The following OSBPL9 variants were observed in gnomAD, a reference collection of about 807,000 sequenced individuals.
OSBPL9 encodes oxysterol binding protein like 9, also known as oxysterol-binding protein-related protein 9.
A neutral mutation model predicts 106.6 loss-of-function variants in OSBPL9; 40 were observed. The observed-to-expected ratio is 0.38, with a 90% CI of 0.29 to 0.49. The LOEUF is 0.49. OSBPL9 is among the 20% of genes least tolerant of loss of function. The pLI is 0.97. For missense variants in OSBPL9, 609 were observed against 887.2 expected (o/e 0.69, Z 3.98); for synonymous variants, 269 against 295.4 (o/e 0.91, Z 0.92).
chr1:51,586,540 C>G (rs1304313016), intron 1 of OSBPL9, among the ~76,000 whole-genome samples: 2 of 152,128 alleles, frequency 1.3e-5, no homozygotes, highest in Non-Finnish European at 2.9e-5. Flanking sequence ...TAAAGTATTG[C>G]TCACATTTCT....
chr1:51,623,612 T>C (rs1341042113), intron 1 of OSBPL9, among the ~76,000 whole-genome samples: 1 of 152,230 alleles, frequency 6.6e-6, no homozygotes, highest in Non-Finnish European at 1.5e-5. Context: ...TGTTACACAC[T>C]GTCTGGAAGA....
rs150720369 is a variant in OSBPL9, at chr1:51,639,117, TGA to T, written c.112-12872_112-12871del. The stretch of plus-strand genomic sequence containing the variant: ...CACATATTTTAAGTGTATAATTAGT[TGA>T]GTCTTTGCATTTATTTACAGCCTTG... On this transcript the variant is annotated intron_variant, in intron 1 of 23. Coordinates refer to ENST00000428468, the MANE Select transcript of OSBPL9 (RefSeq NM_024586.6). Among the ~76,000 whole-genome samples, 601 of 152,338 alleles carry T rather than the reference TGA, an allele frequency of 3.9e-3. 31 individuals carry two copies. The East Asian group carries it at 0.099, about 25-fold the overall frequency.
At chr1:51,566,361 A>G in the OSBPL9 span, 1 of 152,150 alleles carries the variant, frequency 6.6e-6, no homozygotes, top group East Asian at 1.9e-4. Flanking sequence ...CAGATCCTCT[A>G]TGTGCAGGCG....
intron 3 of OSBPL9, among the ~76,000 whole-genome samples, chr1:51,672,855 G>T (rs1045673939): frequency 6.6e-6 from 1 of 152,178 alleles, no homozygotes; most frequent in Non-Finnish European, 1.5e-5. Flanking sequence ...GGGCATCAGA[G>T]CTTAGCTTTG....
At chr1:51,589,113 G>A (rs1645261128) in intron 1 of OSBPL9, among the ~76,000 whole-genome samples, 1 of 151,080 alleles carries the variant, frequency 6.6e-6, no homozygotes, top group Admixed American at 6.6e-5. Context: ...TTTTAAGACA[G>A]GGTCTCCCTC....
chr1:51,652,294 C>T (rs553069531), intron 2 of OSBPL9, among the ~76,000 whole-genome samples: 3 of 152,262 alleles, frequency 2.0e-5, no homozygotes, highest in Middle Eastern at 3.4e-3. Context: ...TTTTCTTAAA[C>T]CTCTACTTTA....
chr1:51,714,285 G>A (rs1346751326), intron 4 of OSBPL9, among the ~76,000 whole-genome samples: 1 of 151,112 alleles, frequency 6.6e-6, no homozygotes, highest in African/African-American at 2.4e-5. Flanking sequence ...ACTGATTTTT[G>A]TCTAGAAACA....
At chr1:51,541,313 T>G in the OSBPL9 span, among the ~76,000 whole-genome samples, 1 of 152,208 alleles carries the variant, frequency 6.6e-6, no homozygotes, top group Admixed American at 6.5e-5. Flanking sequence ...ATATTATCTT[T>G]TCTACTTCAT....
At chr1:51,638,228 GA>G (rs1645574870) in intron 1 of OSBPL9, among the ~76,000 whole-genome samples, 1 of 152,146 alleles carries the variant, frequency 6.6e-6, no homozygotes, top group Non-Finnish European at 1.5e-5. Flanking sequence ...GGAAAGGAGG[GA>G]AGGATGAGAT....
intron 2 of OSBPL9, among the ~76,000 whole-genome samples, chr1:51,664,035 G>C (rs1570908995): frequency 6.6e-6 from 1 of 152,202 alleles, no homozygotes; most frequent in Non-Finnish European, 1.5e-5. Context: ...TGGGAGTATA[G>C]CTGACACAAC....
intron 6 of OSBPL9, 125 bp from the exon 7 acceptor site, chr1:51,748,244 A>C: frequency 8.9e-7 from 1 of 1,121,684 alleles, no homozygotes; most frequent in East Asian, 3.3e-5. Context: ...TCCCTTCCCA[A>C]CTTGCTTGTA....
At chr1:51,740,352 T>G in intron 4 of OSBPL9, 1 of 1,102,088 alleles carries the variant, frequency 9.1e-7, no homozygotes. Context: ...ACATTCCTGC[T>G]AAGTTTTCAT....
chr1:51,789,196 A>T lies in OSBPL9; in HGVS notation c.*1407A>T. 6.4e-7 allele frequency: 1 copy of T among 1,562,968 alleles called. No homozygotes were observed. Among genetic ancestry groups the T allele is most frequent in the Non-Finnish European group, 8.8e-7 (1 of 1,133,906 alleles). ...CATAAAATACAAACAAACACATTTTAAAATACACATTGCTTCAGGCCAACG... is the reference window on the plus strand; with the variant it reads ...CATAAAATACAAACAAACACATTTTTAAATACACATTGCTTCAGGCCAACG... On this transcript the variant is annotated 3_prime_UTR_variant, in exon 24 of 24. Coordinates refer to ENST00000428468, the MANE Select transcript of OSBPL9 (RefSeq NM_024586.6).
chr1:51,550,472 C>CACTGCTCAGTATTT, the OSBPL9 span, among the ~76,000 whole-genome samples: 1 of 152,300 alleles, frequency 6.6e-6, no homozygotes, highest in South Asian at 2.1e-4. Flanking sequence ...TAACCATCAG[C>CACTGCTCAGTATTT]ACTGCTCAGT....
At chr1:51,648,701 A>G (rs569616049) in intron 1 of OSBPL9, among the ~76,000 whole-genome samples, 4 of 152,340 alleles carry the variant, frequency 2.6e-5, no homozygotes, top group South Asian at 4.1e-4. Context: ...GGCATCTCCA[A>G]CTGTGCAACT....
At chr1:51,662,275 T>C (rs946484338) in intron 2 of OSBPL9, among the ~76,000 whole-genome samples, 3 of 151,804 alleles carry the variant, frequency 2.0e-5, no homozygotes, top group Admixed American at 2.0e-4. Flanking sequence ...AAGACTTGAG[T>C]CTTGAGTATG....
intron 3 of OSBPL9, chr1:51,709,867 C>G (rs775783554): frequency 6.6e-6 from 1 of 152,280 alleles, no homozygotes; most frequent in African/African-American, 2.4e-5. Context: ...AAGCCTCCTT[C>G]AAGGATGCAT....
chr1:51,686,727 G>C (rs1653887396), intron 3 of OSBPL9, among the ~76,000 whole-genome samples: 1 of 152,208 alleles, frequency 6.6e-6, no homozygotes, highest in Non-Finnish European at 1.5e-5. Context: ...CCTGGCCAGA[G>C]AAAGGCCTAG....
intron 3 of OSBPL9, among the ~76,000 whole-genome samples, chr1:51,686,501 A>G (rs1355524540): frequency 6.6e-6 from 1 of 152,200 alleles, no homozygotes; most frequent in Non-Finnish European, 1.5e-5. Context: ...CATCCTTCCT[A>G]CACTGACTGT....
Sources: allele counts gnomAD v4.1 joint callset (sites outside exome capture counted in the v4.1 genomes callset), GRCh38; gene constraint gnomAD v4.1.1; transcripts MANE v1.5; gene names NCBI Gene and HGNC (gene_info 2026-07-23, HGNC 2026-07-21).